The following PCNX1 variants were observed in gnomAD, a reference collection of about 807,000 sequenced individuals.
The protein encoded by PCNX1 is pecanex-like protein 1.
Under a neutral mutation model 242.2 loss-of-function variants are expected in PCNX1, and 78 were observed. The ratio of observed to expected loss-of-function variants is 0.32; its 90% confidence interval spans 0.27 to 0.39. PCNX1 has a LOEUF of 0.39. Among genes scored for constraint, PCNX1 ranks in the 10% least tolerant of loss-of-function variants. PCNX1 has a pLI of 1.00. For synonymous variants in PCNX1, 1,024 were observed against 1,032.9 expected (o/e 0.99, Z 0.17); for missense variants, 2,581 against 2,856.5 (o/e 0.90, Z 2.20).
At chr14:70,984,338 A>G (rs893824630) in intron 6 of PCNX1, among the ~76,000 whole-genome samples, 1 of 151,456 alleles carries the variant, frequency 6.6e-6, no homozygotes, top group African/African-American at 2.4e-5. Context: ...ACAACTAGAA[A>G]GTGACTTATT....
chr14:71,110,057 A>G lies in PCNX1; in HGVS notation c.*122A>G, dbSNP rs766944912. ...TGATCCTATGTGGGAGCGACTGAAA[A>G]TAGAATGAGCTTGGTTAAGCACCTC... On this transcript the variant is annotated 3_prime_UTR_variant, in exon 36 of 36. Transcript: ENST00000304743. 3.4e-6 allele frequency: 3 copies of G among 888,148 alleles called. No homozygotes were observed. Among genetic ancestry groups the G allele is most frequent in the Non-Finnish European group, 3.7e-6 (2 of 535,774 alleles). The allele number at this position is 888,148 out of a possible 1,614,324, so 55.0% of individuals were successfully genotyped here.
intron 9 of PCNX1, 194 bp downstream of exon 9, chr14:71,009,918 A>G: frequency 2.4e-6 from 1 of 408,802 alleles, no homozygotes; most frequent in Non-Finnish European, 4.4e-6. Flanking sequence ...GGCTTAATTG[A>G]GCTAAAATTA....
chr14:71,003,600 G>C (rs2059573375), intron 8 of PCNX1, among the ~76,000 whole-genome samples: 4 of 152,132 alleles, frequency 2.6e-5, no homozygotes, highest in African/African-American at 9.7e-5. Flanking sequence ...AATGTGAGTG[G>C]ATAATGAAAT....
intron 1 of PCNX1, among the ~76,000 whole-genome samples, chr14:70,911,866 A>T (rs921953096): frequency 6.6e-6 from 1 of 152,204 alleles, no homozygotes; most frequent in African/African-American, 2.4e-5. Flanking sequence ...GCTCTGGATT[A>T]TTAAGTCAAA....
intron 1 of PCNX1, among the ~76,000 whole-genome samples, chr14:70,922,678 T>C (rs2056424177): frequency 6.6e-6 from 1 of 152,048 alleles, no homozygotes; most frequent in Admixed American, 6.6e-5. Flanking sequence ...CATGTAACTC[T>C]TCTTCATTTT....
intron 24 of PCNX1, among the ~76,000 whole-genome samples, chr14:71,052,411 C>G (rs1308513163): frequency 2.6e-5 from 4 of 152,074 alleles, no homozygotes; most frequent in Admixed American, 6.6e-5. Flanking sequence ...TGGAGTTTGA[C>G]TGTGTTGCCT....
chr14:71,102,248 C>G, intron 31 of PCNX1, 28 bp downstream of exon 31: 1 of 1,523,912 alleles, frequency 6.6e-7, no homozygotes, highest in Non-Finnish European at 9.1e-7. Context: ...TTATTTGGTC[C>G]AAAACATAGA....
At chr14:71,103,914 C>T (rs1047358660) in intron 32 of PCNX1, among the ~76,000 whole-genome samples, 4 of 152,138 alleles carry the variant, frequency 2.6e-5, no homozygotes, top group Non-Finnish European at 5.9e-5. Context: ...TTGGAAAATT[C>T]CCTTTATTTG....
At position 70,978,087 on chromosome 14, in the gene PCNX1, CGAG is replaced by C. The variant is rs2058734256; in HGVS notation, c.1752_1754del (p.Gly585del). On this transcript the variant is annotated inframe_deletion, in exon 6 of 36. Coordinates refer to ENST00000304743, the MANE Select transcript of PCNX1 (RefSeq NM_014982.3). ...CCGGCATAGGGACTATGTTTGCTTT[CGAG>C]GTGTTTCTGGTACCAAGCCACACAG... 1 of 1,613,956 alleles carries C rather than the reference CGAG, an allele frequency of 6.2e-7. No individual in the cohort carries two copies. The highest frequency in any genetic ancestry group is 1.7e-5 in the Admixed American group (1 of 59,992).
intron 23 of PCNX1, among the ~76,000 whole-genome samples, chr14:71,051,411 G>A (rs1019130641): frequency 1.3e-5 from 2 of 151,626 alleles, no homozygotes; most frequent in African/African-American, 4.9e-5. Flanking sequence ...ATAAATGAAG[G>A]TACAAAACAT....
At chr14:71,084,826 G>A (rs1179403262) in intron 28 of PCNX1, among the ~76,000 whole-genome samples, 1 of 152,184 alleles carries the variant, frequency 6.6e-6, no homozygotes, top group Admixed American at 6.5e-5. Context: ...TTGGCTCCCT[G>A]GCTTCAGCCC....
intron 1 of PCNX1, among the ~76,000 whole-genome samples, chr14:70,942,121 G>T (rs543871656): frequency 6.6e-6 from 1 of 152,154 alleles, no homozygotes; most frequent in South Asian, 2.1e-4. Context: ...TACACTCTGT[G>T]GGCTGTACCC....
intron 1 of PCNX1, among the ~76,000 whole-genome samples, chr14:70,932,513 ACT>A (rs1187991164): frequency 1.3e-5 from 2 of 151,746 alleles, no homozygotes; most frequent in African/African-American, 4.8e-5. Flanking sequence ...GTGCTAACAG[ACT>A]CTGTTCCTAG....
At chr14:71,012,658 C>G (rs533179177) in intron 10 of PCNX1, 12 of 309,024 alleles carry the variant, frequency 3.9e-5, no homozygotes, top group South Asian at 3.4e-4. Context: ...GGTAAAATCC[C>G]GTCTCTACAA....
chr14:71,109,807 T>C lies in PCNX1; in HGVS notation c.6898T>C (p.Trp2300Arg). ...EGMEGHVIHRWVPCSRDPGTR... is the reference protein window; with the variant it reads ...EGMEGHVIHRRVPCSRDPGTR... Reference sequence around the variant, plus strand: ...TCTGAATCATTAGGTGATTCACCGATGGGTGCCTTGCAGCAGAGATCCAGG... The same window carrying C: ...TCTGAATCATTAGGTGATTCACCGACGGGTGCCTTGCAGCAGAGATCCAGG... Residue 2300 changes from tryptophan to arginine, a missense_variant, in exon 36 of 36, where the codon TGG becomes CGG. By Grantham distance (101) the Trp-to-Arg change is moderately radical (BLOSUM62 -3). Around this residue, in one of 9 missense-constraint regions of PCNX1, gnomAD observed 432 missense variants for 433.6 expected, o/e 1.00. Transcript: ENST00000304743. 1.2e-6 allele frequency: 2 copies of C among 1,613,872 alleles called. No individual in the cohort carries two copies. Among genetic ancestry groups the C allele is most frequent in the East Asian group, 2.2e-5 (1 of 44,878 alleles).
intron 1 of PCNX1, among the ~76,000 whole-genome samples, chr14:70,943,640 T>G (rs2057347901): frequency 6.6e-6 from 1 of 152,196 alleles, no homozygotes; most frequent in Non-Finnish European, 1.5e-5. Flanking sequence ...TCAAGAAAGC[T>G]GCATAAATTT....
At chr14:71,017,262 G>T (rs1420260386) in intron 11 of PCNX1, among the ~76,000 whole-genome samples, 1 of 152,104 alleles carries the variant, frequency 6.6e-6, no homozygotes, top group Non-Finnish European at 1.5e-5. Flanking sequence ...GAAAACTCTA[G>T]GCCCAGATGG....
At chr14:71,011,263 G>GC (rs1566695996) in intron 9 of PCNX1, among the ~76,000 whole-genome samples, 1 of 152,126 alleles carries the variant, frequency 6.6e-6, no homozygotes, top group Admixed American at 6.5e-5. Context: ...AAGAGGAAAC[G>GC]CAAGTATGAA....
intron 26 of PCNX1, among the ~76,000 whole-genome samples, chr14:71,071,557 T>G (rs1427653945): frequency 2.0e-5 from 3 of 152,134 alleles, no homozygotes; most frequent in Non-Finnish European, 4.4e-5. Context: ...CGCCTCCCCC[T>G]TAACCCTATT....
Sources: gnomAD v4.1 joint callset for allele counts (sites outside exome capture counted in the v4.1 genomes callset) on GRCh38, gnomAD v4.1.1 for gene constraint, gnomAD v4.1.1 regional missense constraint, MANE v1.5 for transcripts, NCBI Gene and HGNC (gene_info 2026-07-23, HGNC 2026-07-21) for gene names.